KIZ: variants seen among roughly 807,000 people sequenced by gnomAD.
KIZ encodes the protein kizuna centrosomal protein, also known as centrosomal protein kizuna.
Under a neutral mutation model 79.6 loss-of-function variants are expected in KIZ, and 68 were observed. That is an observed-to-expected ratio of 0.85 (90% CI 0.70 to 1.05). The LOEUF (loss-of-function observed/expected upper bound fraction) is 1.05. Ranked by LOEUF, KIZ falls within the 50% of genes least tolerant of loss-of-function variation. The pLI is 0.00. For synonymous variants in KIZ, 280 were observed against 281.8 expected, an observed-to-expected ratio of 0.99 and a Z score of 0.06; for missense variants, 797 against 800.4, an observed-to-expected ratio of 1.00 and a Z score of 0.05.
intron 10 of KIZ, among the ~76,000 whole-genome samples, chr20:21,230,428 T>G (rs1432520068): frequency 6.6e-6 from 1 of 152,172 alleles, no homozygotes; most frequent in Non-Finnish European, 1.5e-5. Context: ...CAAGCTATGA[T>G]CACACCACTG....
chr20:21,166,071 A>T, intron 6 of KIZ: 2 of 620,436 alleles, frequency 3.2e-6, no homozygotes, highest in Non-Finnish European at 5.6e-6. Context: ...GGTTCAAGCA[A>T]TTCTCCTGCC....
At chr20:21,177,663 GTTATGAAGCTTTTCCCC>G (rs1352629154) in intron 6 of KIZ, among the ~76,000 whole-genome samples, 3 of 152,076 alleles carry the variant, frequency 2.0e-5, no homozygotes, top group Non-Finnish European at 4.4e-5. Context: ...CAAGGCCAAT[GTTATGAAGCTTTTCCCC>G]TATGTTTTCT....
chr20:21,147,772 A>G lies in KIZ; in HGVS notation c.405+2118A>G, dbSNP rs151232599. On this transcript the variant is annotated intron_variant, in intron 4 of 12. Coordinates refer to ENST00000619189, the MANE Select transcript of KIZ (RefSeq NM_018474.6). ...CGTGGGACAAACATGAGCAATGAGA[A>G]GAAAGAAGATTCTGCTTCCTGTGAA... Among the ~76,000 whole-genome samples, 349 of 152,352 alleles carry G rather than the reference A, an allele frequency of 2.3e-3. 4 individuals carry two copies. The highest frequency in any genetic ancestry group is 8.2e-3 in the African/African-American group (343 of 41,582).
At chr20:21,159,381 A>G (rs1407227861) in intron 4 of KIZ, among the ~76,000 whole-genome samples, 2 of 152,040 alleles carry the variant, frequency 1.3e-5, no homozygotes, top group Admixed American at 6.5e-5. Context: ...ATAGCTTTAT[A>G]GTTTTTATTA....
intron 6 of KIZ, among the ~76,000 whole-genome samples, chr20:21,164,805 T>C (rs1252927050): frequency 1.3e-5 from 2 of 152,104 alleles, no homozygotes; most frequent in East Asian, 3.9e-4. Flanking sequence ...AATATGGGCA[T>C]GTGGGGAATT....
intron 6 of KIZ, among the ~76,000 whole-genome samples, chr20:21,165,417 G>A (rs1322610525): frequency 6.6e-6 from 1 of 152,168 alleles, no homozygotes; most frequent in African/African-American, 2.4e-5. Context: ...TGGAGTTAAG[G>A]TTCAAAATGT....
chr20:21,222,274 A>G (rs903670877), intron 9 of KIZ, among the ~76,000 whole-genome samples: 18 of 152,182 alleles, frequency 1.2e-4, no homozygotes, highest in African/African-American at 4.3e-4. Context: ...AATTCTCCCC[A>G]GCGGTTCATG....
At chr20:21,187,641 A>G (rs1231939113) in intron 6 of KIZ, among the ~76,000 whole-genome samples, 1 of 152,168 alleles carries the variant, frequency 6.6e-6, no homozygotes, top group African/African-American at 2.4e-5. Context: ...ACACACGTGT[A>G]TATATGGATA....
chr20:21,239,364 G>A (rs573195750), intron 11 of KIZ, among the ~76,000 whole-genome samples: 13 of 152,262 alleles, frequency 8.5e-5, no homozygotes, highest in African/African-American at 2.2e-4. Flanking sequence ...TGTCTACAAC[G>A]TGTACATTTG....
chr20:21,229,991 C>T (rs2036784509), intron 10 of KIZ, among the ~76,000 whole-genome samples: 1 of 152,146 alleles, frequency 6.6e-6, no homozygotes, highest in East Asian at 1.9e-4. Flanking sequence ...GTTTTCCTTT[C>T]ATTACACCAG....
intron 3 of KIZ, among the ~76,000 whole-genome samples, chr20:21,137,732 C>T (rs1156965907): frequency 6.6e-6 from 1 of 151,982 alleles, no homozygotes; most frequent in East Asian, 1.9e-4. Flanking sequence ...GGGACAGTCT[C>T]CTACATAATC....
chr20:21,126,628 A>C (rs2031493347), intron 1 of KIZ, among the ~76,000 whole-genome samples: 1 of 152,112 alleles, frequency 6.6e-6, no homozygotes, highest in Non-Finnish European at 1.5e-5. Flanking sequence ...CAATGATGAC[A>C]AGTCCTGGAA....
intron 1 of KIZ, among the ~76,000 whole-genome samples, chr20:21,126,566 C>A (rs142045217): frequency 6.6e-6 from 1 of 152,118 alleles, no homozygotes; most frequent in African/African-American, 2.4e-5. Flanking sequence ...TTTTACACGC[C>A]CCCTCCCCAC....
At chr20:21,135,845 A>G (rs2032156456) in intron 2 of KIZ, among the ~76,000 whole-genome samples, 1 of 152,196 alleles carries the variant, frequency 6.6e-6, no homozygotes, top group African/African-American at 2.4e-5. Context: ...TATAGTCCAT[A>G]TATTATAAAA....
chr20:21,205,462 A>T, intron 6 of KIZ, 29 bp from the exon 7 acceptor site: 1 of 896,880 alleles, frequency 1.1e-6, no homozygotes, highest in African/African-American at 1.7e-5. Flanking sequence ...TTACAAATCT[A>T]TAGTGAGTGT....
intron 1 of KIZ, among the ~76,000 whole-genome samples, chr20:21,126,565 C>T (rs1440028947): frequency 1.3e-5 from 2 of 152,156 alleles, no homozygotes; most frequent in Non-Finnish European, 2.9e-5. Flanking sequence ...CTTTTACACG[C>T]CCCCTCCCCA....
At chr20:21,219,440 C>T (rs1244702897) in intron 9 of KIZ, among the ~76,000 whole-genome samples, 2 of 152,102 alleles carry the variant, frequency 1.3e-5, no homozygotes, top group Non-Finnish European at 2.9e-5. Context: ...TCCTCAGCCT[C>T]CCAAGTAGCT....
chr20:21,142,093 A>C (rs1568914362), intron 3 of KIZ, among the ~76,000 whole-genome samples: 1 of 151,524 alleles, frequency 6.6e-6, no homozygotes, highest in African/African-American at 2.4e-5. Flanking sequence ...ACGTACACAC[A>C]CACTCTCTCT....
At chr20:21,156,665 T>A (rs1056779555) in intron 4 of KIZ, among the ~76,000 whole-genome samples, 3 of 152,182 alleles carry the variant, frequency 2.0e-5, no homozygotes, top group Non-Finnish European at 4.4e-5. Flanking sequence ...AATATCAATG[T>A]TAAATTTTCT....
Sources: allele counts gnomAD v4.1 joint callset (sites outside exome capture counted in the v4.1 genomes callset), GRCh38; gene constraint gnomAD v4.1.1; transcripts MANE v1.5; gene names NCBI Gene and HGNC (gene_info 2026-07-23, HGNC 2026-07-21).